Variants in MTHFD2 observed in about 807,000 individuals in gnomAD.
The protein encoded by MTHFD2 is methylenetetrahydrofolate dehydrogenase (NADP+ dependent) 2, methenyltetrahydrofolate cyclohydrolase.
MTHFD2 carries 26 observed loss-of-function variants against 36.8 expected under a neutral mutation model. The observed-to-expected ratio is 0.71, with a 90% CI of 0.52 to 0.98. The LOEUF is 0.98. Ranked by LOEUF, MTHFD2 falls within the 50% of genes least tolerant of loss-of-function variation. The pLI, the probability that MTHFD2 is intolerant of heterozygous loss-of-function variation, is 0.00. For missense variants in MTHFD2, 373 were observed against 434.0 expected, an observed-to-expected ratio of 0.86 and a Z score of 1.25; for synonymous variants, 164 against 155.2, an observed-to-expected ratio of 1.06 and a Z score of -0.42.
chr2:74,214,454 C>G lies in MTHFD2; in HGVS notation c.*212C>G. On this transcript the variant is annotated 3_prime_UTR_variant, in exon 8 of 8. Coordinates refer to ENST00000394053, the MANE Select transcript of MTHFD2 (RefSeq NM_006636.4). The stretch of plus-strand genomic sequence containing the variant: ...CCAGTATCATGCAGGGTCCTGTGAT[C>G]TAGCCAGGAGCAGCCATTAACCTAG... 2.4e-6 allele frequency: 1 copy of G among 413,282 alleles called. No homozygotes were observed. The allele number at this position is 413,282 out of a possible 1,614,324, so 25.6% of individuals were successfully genotyped here. A position where few individuals can be genotyped will look rare whatever the true frequency, so the allele number is the denominator to read the frequency against.
At position 74,215,096 on chromosome 2, in the gene MTHFD2, C is replaced by G. The variant is rs1694403627; in HGVS notation, c.*854C>G. 6.6e-6 allele frequency: 1 copy of G among 152,612 alleles called. No individual in the cohort carries two copies. 9.5% of individuals were successfully genotyped at this position (152,612 alleles called of 1,614,324 possible). A position where few individuals can be genotyped will look rare whatever the true frequency, so the allele number is the denominator to read the frequency against. On this transcript the variant is annotated 3_prime_UTR_variant, in exon 8 of 8. Transcript: ENST00000394053. ...CTTGGCTTGATAATCATTTGGGCAG[C>G]TTGGGTAAGTACGCAACTTACTTTT...
chr2:74,198,722 T>G lies in MTHFD2; in HGVS notation c.81T>G (p.Pro27=). Residue 27 remains proline (P), a synonymous_variant, in exon 1 of 8, where the codon CCT becomes CCG. Transcript: ENST00000394053. ...PAHSCSLRLR[P]FHLAAVRNEA... ...ACAGCTGCTCCCTTCGCCTTCGCCC[T>G]TTCCACCTCGCGGCAGTTCGGTAAG... 1 of 1,610,182 alleles carries G rather than the reference T, an allele frequency of 6.2e-7. No individual in the cohort carries two copies. The highest frequency in any genetic ancestry group is 8.5e-7 in the Non-Finnish European group (1 of 1,178,546).
Position 74,205,092 on chromosome 2 carries a change from G to C in MTHFD2, c.102-613G>C, listed in dbSNP as rs1196029261. On this transcript the variant is annotated intron_variant, in intron 1 of 7. Transcript: ENST00000394053. ...CCCTCCTCGGCCTCCCAAAGTGCTG[G>C]GATTACAAACGTGAGCCATCGTGCC... 2.0e-5 allele frequency among the ~76,000 whole-genome samples: 3 copies of C among 152,196 alleles called. No individual in the cohort carries two copies. The East Asian group carries it at 5.8e-4, about 29-fold the overall frequency.
intron 2 of MTHFD2, 59 bp from the exon 3 acceptor site, chr2:74,207,645 A>G: frequency 1.3e-6 from 2 of 1,510,518 alleles, no homozygotes; most frequent in Non-Finnish European, 1.8e-6. Flanking sequence ...GGTAGGCAAC[A>G]TAGCAGTGCT....
Position 74,208,666 on chromosome 2 carries a change from G to A in MTHFD2, c.507G>A (p.Gln169=), listed in dbSNP as rs1444372065. ...VINVGRMCLD[Q]YSMLPATPWG... ...ATGTAGGACGAATGTGTTTGGATCA[G>A]TATTCCATGTTACCGGCTACTCCAT... is the stretch of plus-strand genomic sequence containing the variant. The change falls in exon 4 of 8, where the codon CAG becomes CAA. Residue 169 remains glutamine, a synonymous_variant. Coordinates refer to ENST00000394053, the MANE Select transcript of MTHFD2 (RefSeq NM_006636.4). 2 of 1,614,186 alleles carry A rather than the reference G, an allele frequency of 1.2e-6. No individual in the cohort carries two copies. The highest frequency in any genetic ancestry group is 2.2e-5 in the East Asian group (1 of 44,884).
At chr2:74,203,064 G>C (rs1694077831) in intron 1 of MTHFD2, among the ~76,000 whole-genome samples, 1 of 151,920 alleles carries the variant, frequency 6.6e-6, no homozygotes, top group African/African-American at 2.4e-5. Context: ...GCAGTGGCGT[G>C]ATCTTGGCTC....
At chr2:74,203,907 T>TTTAGTTTAGTTTAGTTTAGTTTA (rs1553448384) in intron 1 of MTHFD2, among the ~76,000 whole-genome samples, 2 of 11,510 alleles carry the variant, frequency 1.7e-4, no homozygotes, top group African/African-American at 2.5e-3. Flanking sequence ...TTTAGTTTAG[T>TTTAGTTTAGTTTAGTTTAGTTTA]TAGTTTAGTT....
At chr2:74,202,888 A>G (rs1005816780) in intron 1 of MTHFD2, among the ~76,000 whole-genome samples, 25 of 152,150 alleles carry the variant, frequency 1.6e-4, no homozygotes, top group African/African-American at 6.0e-4. Flanking sequence ...GTGAATATTA[A>G]TATGTTTTCA....
At chr2:74,207,592 G>T in intron 2 of MTHFD2, 112 bp from the exon 3 acceptor site, 1 of 992,722 alleles carries the variant, frequency 1.0e-6, no homozygotes, top group East Asian at 2.6e-5. Context: ...TCAGCTTTTA[G>T]GGATGAGTGT....
In MTHFD2 at chr2:74,204,206, G is replaced by A. The variant is rs184105276; in HGVS notation, c.102-1499G>A. On this transcript the variant is annotated intron_variant, in intron 1 of 7. Transcript: ENST00000394053. ...TGGGATTACAGGCTTGAGCTACCAC[G>A]CTGGGCCAGATGCTCATCTTTAAGT... 1.8e-3 allele frequency among the ~76,000 whole-genome samples: 277 copies of A among 152,142 alleles called. 3 individuals are homozygous for A. Among genetic ancestry groups the A allele is most frequent in the African/African-American group, 6.2e-3 (259 of 41,498 alleles).
rs767060160 is a variant in MTHFD2, at chr2:74,214,199, G to C, written c.1010G>C (p.Arg337Pro). ...AAKKVLRLEEREVLKSKELGV... is the reference protein window; with the variant it reads ...AAKKVLRLEEPEVLKSKELGV... Reference sequence around the variant, plus strand: ...AAAAAGGTGCTGAGGCTTGAAGAGCGAGAAGTGCTGAAGTCTAAAGAGCTT... The same window carrying C: ...AAAAAGGTGCTGAGGCTTGAAGAGCCAGAAGTGCTGAAGTCTAAAGAGCTT... The change falls in exon 8 of 8, where the codon CGA (arginine) becomes CCA (proline). Residue 337 changes from arginine (R) to proline (P), a missense_variant. By Grantham distance (103) the Arg-to-Pro change is moderately radical (BLOSUM62 -2). This residue lies in a region of MTHFD2 where 308 missense variants were observed against 397.8 expected (regional missense o/e 0.77). Coordinates refer to ENST00000394053, the MANE Select transcript of MTHFD2 (RefSeq NM_006636.4). 1.2e-6 allele frequency: 2 copies of C among 1,613,952 alleles called. No individual in the cohort carries two copies. The highest frequency in any genetic ancestry group is 1.7e-6 in the Non-Finnish European group (2 of 1,179,960).
chr2:74,210,746 A>G (rs970141896), intron 5 of MTHFD2, among the ~76,000 whole-genome samples: 2 of 151,488 alleles, frequency 1.3e-5, no homozygotes, highest in Admixed American at 6.6e-5. Context: ...GTAAATGACA[A>G]TTAGCTGTTC....
intron 7 of MTHFD2, among the ~76,000 whole-genome samples, chr2:74,213,519 T>TC (rs1489846138): frequency 6.6e-6 from 1 of 151,896 alleles, no homozygotes; most frequent in Admixed American, 6.6e-5. Flanking sequence ...TCAAACAATC[T>TC]CCCCCACCTC....
chr2:74,212,638 T>G (rs1222572886), intron 7 of MTHFD2, among the ~76,000 whole-genome samples: 1 of 152,140 alleles, frequency 6.6e-6, no homozygotes, highest in Non-Finnish European at 1.5e-5. Flanking sequence ...ATTTTAGGTG[T>G]TTTATCATAG....
chr2:74,202,304 T>C (rs532185265), intron 1 of MTHFD2, among the ~76,000 whole-genome samples: 5 of 152,274 alleles, frequency 3.3e-5, no homozygotes, highest in Non-Finnish European at 5.9e-5. Flanking sequence ...ATTAGTTTTA[T>C]TGAACATATA....
intron 1 of MTHFD2, among the ~76,000 whole-genome samples, chr2:74,203,249 G>A (rs888452680): frequency 2.6e-5 from 4 of 152,056 alleles, no homozygotes; most frequent in African/African-American, 9.7e-5. Flanking sequence ...CAAGTGATCT[G>A]CCCACCTTGG....
At chr2:74,204,855 T>C (rs1694141972) in intron 1 of MTHFD2, among the ~76,000 whole-genome samples, 1 of 152,228 alleles carries the variant, frequency 6.6e-6, no homozygotes, top group Non-Finnish European at 1.5e-5. Context: ...AGACGGAGTC[T>C]AGCTCTGTCA....
Position 74,198,659 on chromosome 2 carries a change from A to T in MTHFD2, c.18A>T (p.Leu6=), listed in dbSNP as rs768357986. ...CGCGGTCTATGGCTGCGACTTCTCT[A>T]ATGTCTGCTTTGGCTGCCCGGCTGC... The part of the protein sequence containing the change: MAATS[L]MSALAARLLQ... Residue 6 remains leucine, a synonymous_variant, in exon 1 of 8, where the codon CTA becomes CTT. Transcript: ENST00000394053. The T allele has an allele frequency of 6.2e-7, 1 of 1,610,160 alleles. No individual in the cohort carries two copies. The highest frequency in any genetic ancestry group is 1.7e-5 in the Admixed American group (1 of 59,808).
intron 1 of MTHFD2, among the ~76,000 whole-genome samples, chr2:74,203,178 G>T (rs1439266991): frequency 6.6e-6 from 1 of 151,938 alleles, no homozygotes; most frequent in Non-Finnish European, 1.5e-5. Context: ...GCAAATTTTT[G>T]TATTTTTAGT....
Sources: allele counts gnomAD v4.1 joint callset (sites outside exome capture counted in the v4.1 genomes callset), GRCh38; gene constraint gnomAD v4.1.1; regional missense constraint gnomAD v4.1.1; transcripts MANE v1.5; gene names NCBI Gene and HGNC (gene_info 2026-07-23, HGNC 2026-07-21).